The following ABAT variants were observed in gnomAD, a reference collection of about 807,000 sequenced individuals.
ABAT encodes 4-aminobutyrate aminotransferase, mitochondrial.
In ABAT, 45 loss-of-function variants were observed where a neutral mutation model predicts 64.6. The ratio of observed to expected loss-of-function variants is 0.70; its 90% CI spans 0.55 to 0.89. ABAT has a LOEUF of 0.89. Among genes scored for constraint, ABAT ranks in the 40% least tolerant of loss-of-function variants. ABAT has a pLI of 0.00. For missense variants in ABAT, 633 were observed against 658.4 expected, an observed-to-expected ratio of 0.96 and a Z score of 0.42; for synonymous variants, 297 against 250.5, an observed-to-expected ratio of 1.19 and a Z score of -1.75.
chr16:8,679,454 C>A (rs1730954), intron 1 of ABAT, among the ~76,000 whole-genome samples: 88,366 of 150,738 alleles, frequency 0.59, 26,339 homozygotes, highest in East Asian at 0.77. Context: ...CTCAGGCCAG[C>A]CACTTTAACT....
At chr16:8,720,314 A>G (rs1046684594) in intron 1 of ABAT, among the ~76,000 whole-genome samples, 1 of 152,212 alleles carries the variant, frequency 6.6e-6, no homozygotes, top group South Asian at 2.1e-4. Context: ...GGTAATATAT[A>G]TGGCCCAGCC....
chr16:8,779,341 T>A (rs1010069709), intron 14 of ABAT, 138 bp from the exon 15 acceptor site: 8 of 725,254 alleles, frequency 1.1e-5, no homozygotes, highest in Non-Finnish European at 2.0e-5. Context: ...CCAGAGCTCT[T>A]AACCCCCTGG....
chr16:8,686,344 A>G (rs1474117053), intron 1 of ABAT, among the ~76,000 whole-genome samples: 1 of 152,206 alleles, frequency 6.6e-6, no homozygotes, highest in African/African-American at 2.4e-5. Context: ...GGGCTCAAAA[A>G]AGAGCCACAC....
chr16:8,685,054 G>A (rs1372756480), intron 1 of ABAT, among the ~76,000 whole-genome samples: 1 of 152,102 alleles, frequency 6.6e-6, no homozygotes, highest in Non-Finnish European at 1.5e-5. Flanking sequence ...GGAGGCCGAG[G>A]TGGACAGATT....
intron 2 of ABAT, among the ~76,000 whole-genome samples, 198 bp from the exon 3 acceptor site, chr16:8,745,803 T>G (rs2059311026): frequency 6.6e-6 from 1 of 152,164 alleles, no homozygotes; most frequent in Non-Finnish European, 1.5e-5. Context: ...GACACTGGGT[T>G]TTCCCTTTTT....
At chr16:8,753,848 C>T (rs1249090644) in intron 5 of ABAT, among the ~76,000 whole-genome samples, 1 of 152,140 alleles carries the variant, frequency 6.6e-6, no homozygotes, top group Non-Finnish European at 1.5e-5. Flanking sequence ...AACCCCAAGG[C>T]ATTTCAAATC....
At chr16:8,762,369 C>T (rs1265788778) in intron 6 of ABAT, among the ~76,000 whole-genome samples, 1 of 152,194 alleles carries the variant, frequency 6.6e-6, no homozygotes, top group Non-Finnish European at 1.5e-5. Context: ...ACTCCTGCAT[C>T]CTCTGTATGC....
intron 1 of ABAT, among the ~76,000 whole-genome samples, chr16:8,724,481 C>T (rs2058475913): frequency 6.6e-6 from 1 of 152,058 alleles, no homozygotes; most frequent in Non-Finnish European, 1.5e-5. Context: ...CCTGTAATCC[C>T]AGCACTTTGG....
At chr16:8,756,474 T>G (rs1449678112) in intron 5 of ABAT, among the ~76,000 whole-genome samples, 2 of 152,222 alleles carry the variant, frequency 1.3e-5, no homozygotes, top group African/African-American at 2.4e-5. Flanking sequence ...TAGGTAAACG[T>G]GTGCCATGGT....
intron 13 of ABAT, among the ~76,000 whole-genome samples, chr16:8,775,860 G>C (rs999230982): frequency 2.0e-5 from 3 of 152,160 alleles, no homozygotes; most frequent in African/African-American, 7.2e-5. Flanking sequence ...GTTTCAGTTA[G>C]CCGCATGGCC....
intron 1 of ABAT, among the ~76,000 whole-genome samples, chr16:8,678,678 A>C (rs1315191379): frequency 6.6e-6 from 1 of 152,218 alleles, no homozygotes; most frequent in Non-Finnish European, 1.5e-5. Flanking sequence ...TCACACTTGC[A>C]CTGACATAAC....
At position 8,756,391 on chromosome 16, in the gene ABAT, T is replaced by C. The variant is rs576623382; in HGVS notation, c.317-1366T>C. 1.6e-4 allele frequency among the ~76,000 whole-genome samples: 25 copies of C among 152,336 alleles called. 1 individual carries two copies. In the South Asian group the frequency reaches 3.9e-3, roughly 24 times the overall value. The stretch of plus-strand genomic sequence containing the variant: ...TAATTAACGTCAAACATTTTTATTT[T>C]AATTTTTTTCTTTTTTTATTTCTTC... On this transcript the variant is annotated intron_variant, in intron 5 of 15. Coordinates refer to ENST00000268251, the MANE Select transcript of ABAT (RefSeq NM_020686.6).
rs1349970921 is a variant in ABAT at position 8,783,949 on chromosome 16, G to T, written c.*2519G>T. 6 of 152,136 alleles carry T rather than the reference G, an allele frequency of 3.9e-5. No individual in the cohort carries two copies. Among genetic ancestry groups the T allele is most frequent in the Non-Finnish European group, 7.4e-5 (5 of 68,026 alleles). The allele number at this position is 152,136 out of a possible 1,614,324, so 9.4% of individuals were successfully genotyped here. On this transcript the variant is annotated 3_prime_UTR_variant, in exon 16 of 16. Transcript: ENST00000268251. Reference sequence around the variant, plus strand: ...TATCAACAAGTTCTTGTTGACTCAGGGCATAATGAGTTCCTGAGACATGCT... The same window carrying T: ...TATCAACAAGTTCTTGTTGACTCAGTGCATAATGAGTTCCTGAGACATGCT...
intron 11 of ABAT, among the ~76,000 whole-genome samples, chr16:8,771,828 T>TG (rs1227819048): frequency 6.6e-6 from 1 of 151,814 alleles, no homozygotes; most frequent in Non-Finnish European, 1.5e-5. Flanking sequence ...TGCAGTGGTG[T>TG]GGTCATAGCT....
intron 1 of ABAT, among the ~76,000 whole-genome samples, chr16:8,705,898 G>A (rs867759549): frequency 4.6e-5 from 7 of 152,092 alleles, no homozygotes; most frequent in Non-Finnish European, 8.8e-5. Context: ...GTAGAGCCTC[G>A]GTGCCCTTGG....
chr16:8,679,092 C>G (rs1730955), intron 1 of ABAT, among the ~76,000 whole-genome samples: 89,754 of 151,898 alleles, frequency 0.59, 26,930 homozygotes, highest in East Asian at 0.77. Flanking sequence ...GCTGAGGCGG[C>G]AGAATCACTT....
At chr16:8,775,194 T>C in intron 13 of ABAT, 137 bp downstream of exon 13, 5 of 1,123,262 alleles carry the variant, frequency 4.5e-6, no homozygotes, top group South Asian at 2.7e-5. Flanking sequence ...CCAGTTCTTA[T>C]CAATGCAATT....
intron 1 of ABAT, among the ~76,000 whole-genome samples, chr16:8,723,124 T>C (rs2058422768): frequency 6.6e-6 from 1 of 152,008 alleles, no homozygotes; most frequent in South Asian, 2.1e-4. Flanking sequence ...TCCCAGCTGC[T>C]CAGGAAGCTG....
chr16:8,719,966 C>A (rs914958353), intron 1 of ABAT, among the ~76,000 whole-genome samples: 4 of 152,208 alleles, frequency 2.6e-5, no homozygotes, highest in Admixed American at 1.3e-4. Context: ...CACCTGCCAC[C>A]ACGCCCAGCT....
Sources: gnomAD v4.1 joint callset for allele counts (sites outside exome capture counted in the v4.1 genomes callset) on GRCh38, gnomAD v4.1.1 for gene constraint, MANE v1.5 for transcripts, NCBI Gene and HGNC (gene_info 2026-07-23, HGNC 2026-07-21) for gene names.